Variants in PRIM2 observed in about 807,000 individuals in gnomAD.
PRIM2 encodes the protein DNA primase large subunit.
In PRIM2, 39 loss-of-function variants were observed where a neutral mutation model predicts 67.3. The ratio of observed to expected loss-of-function variants is 0.58; its 90% confidence interval spans 0.45 to 0.76. The LOEUF is 0.76. PRIM2 is among the 30% of genes least tolerant of loss of function. The pLI, the probability that PRIM2 is intolerant of heterozygous loss-of-function variation, is 0.00. For synonymous variants in PRIM2, 143 were observed against 198.7 expected, an observed-to-expected ratio of 0.72 and a Z score of 2.36; for missense variants, 398 against 598.7, an observed-to-expected ratio of 0.66 and a Z score of 3.50.
chr6:57,410,386 A>G (rs1414818898), intron 7 of PRIM2, among the ~76,000 whole-genome samples: 1 of 150,132 alleles, frequency 6.7e-6, no homozygotes, highest in Non-Finnish European at 1.5e-5. Context: ...TTTCTTTTTC[A>G]TTGGATTCCC....
chr6:57,346,468 C>A (rs1055754761), intron 5 of PRIM2, among the ~76,000 whole-genome samples: 6 of 152,058 alleles, frequency 3.9e-5, no homozygotes, highest in African/African-American at 1.2e-4. Context: ...TACAGTCGCC[C>A]ACCACCATGC....
the PRIM2 span, among the ~76,000 whole-genome samples, chr6:57,247,695 C>T: frequency 6.6e-6 from 1 of 152,166 alleles, no homozygotes; most frequent in African/African-American, 2.4e-5. Flanking sequence ...TCATTTTGGA[C>T]ACTAAAAATT....
intron 7 of PRIM2, among the ~76,000 whole-genome samples, chr6:57,458,470 G>C (rs1314542351): frequency 6.6e-6 from 1 of 152,164 alleles, no homozygotes; most frequent in African/African-American, 2.4e-5. Flanking sequence ...GATCACCTGA[G>C]GTCAGGAGTT....
chr6:57,526,767 C>T (rs1774763822), intron 8 of PRIM2, among the ~76,000 whole-genome samples: 1 of 151,954 alleles, frequency 6.6e-6, no homozygotes, highest in Admixed American at 6.6e-5. Context: ...CTGTTTTCTG[C>T]TGGGTTTGCA....
the PRIM2 span, among the ~76,000 whole-genome samples, chr6:57,229,725 C>T: frequency 7.9e-5 from 12 of 152,144 alleles, no homozygotes; most frequent in African/African-American, 1.7e-4. Context: ...TACCTGACCT[C>T]GTGATCCGTG....
At chr6:57,524,299 TG>T (rs1774694494) in intron 8 of PRIM2, among the ~76,000 whole-genome samples, 1 of 152,386 alleles carries the variant, frequency 6.6e-6, no homozygotes, top group Admixed American at 6.5e-5. Context: ...CTAGCCATGC[TG>T]GCCTCTTATG....
chr6:57,499,388 C>T (rs1291498617), intron 7 of PRIM2, among the ~76,000 whole-genome samples: 1 of 152,180 alleles, frequency 6.6e-6, no homozygotes, highest in African/African-American at 2.4e-5. Flanking sequence ...CTCACCTTCT[C>T]CTGGCTCCTT....
the PRIM2 span, among the ~76,000 whole-genome samples, chr6:57,258,936 C>T: frequency 4.6e-5 from 7 of 152,104 alleles, no homozygotes; most frequent in Admixed American, 4.6e-4. Context: ...CCTTTGCCAC[C>T]AATATCTTCT....
At chr6:57,226,220 T>G in the PRIM2 span, among the ~76,000 whole-genome samples, 1 of 152,204 alleles carries the variant, frequency 6.6e-6, no homozygotes, top group Non-Finnish European at 1.5e-5. Context: ...AATAAGTGAT[T>G]ACATACCCTT....
Position 57,635,423 on chromosome 6 carries a change from C to T in PRIM2, c.1299+3222C>T, listed in dbSNP as rs1359641012. Among the ~76,000 whole-genome samples, 492 of 152,260 alleles carry T rather than the reference C, an allele frequency of 3.2e-3. 3 individuals are homozygous for T. Among genetic ancestry groups the T allele is most frequent in the Non-Finnish European group, 3.8e-3 (256 of 68,016 alleles). ...CTGTTTTCCTCTGTATTTTTAGGGT[C>T]AATGTTTAAAATAATTTTATACTAA... On this transcript the variant is annotated intron_variant, in intron 13 of 13. Transcript: ENST00000615550.
intron 7 of PRIM2, among the ~76,000 whole-genome samples, chr6:57,477,073 T>TGG (rs1773494218): frequency 6.6e-6 from 1 of 152,164 alleles, no homozygotes; most frequent in African/African-American, 2.4e-5. Context: ...TCACTCCAGC[T>TGG]TCAACCTCCT....
the PRIM2 span, among the ~76,000 whole-genome samples, chr6:57,271,797 G>C: frequency 1.3e-5 from 2 of 152,208 alleles, no homozygotes; most frequent in Admixed American, 1.3e-4. Flanking sequence ...ACACTGCTTT[G>C]AATGTGTCCC....
chr6:57,569,937 T>G (rs1379482710), intron 10 of PRIM2, among the ~76,000 whole-genome samples: 2 of 152,068 alleles, frequency 1.3e-5, no homozygotes, highest in African/African-American at 4.8e-5. Context: ...AGAGACAGGG[T>G]TTCACTATGT....
chr6:57,520,383 T>C (rs1774585875), intron 8 of PRIM2, among the ~76,000 whole-genome samples: 1 of 152,202 alleles, frequency 6.6e-6, no homozygotes, highest in Non-Finnish European at 1.5e-5. Context: ...TTTTCATGAC[T>C]AACCTATTAT....
intron 4 of PRIM2, 57 bp downstream of exon 4, chr6:57,324,337 T>A (rs1388522309): frequency 1.8e-6 from 2 of 1,127,166 alleles, no homozygotes; most frequent in African/African-American, 3.1e-5. Context: ...TATAAATTGG[T>A]GTGTGGTAAG....
At chr6:57,243,630 C>T in the PRIM2 span, among the ~76,000 whole-genome samples, 2 of 151,990 alleles carry the variant, frequency 1.3e-5, no homozygotes, top group East Asian at 1.9e-4. Context: ...CACTACGCCC[C>T]GACTCTTTTT....
chr6:57,565,463 T>G lies in PRIM2; in HGVS notation c.1020+27838T>G, dbSNP rs1195400704. Among the ~76,000 whole-genome samples the G allele has an allele frequency of 2.7e-5, 4 of 149,488 alleles. No individual in the cohort carries two copies. The East Asian group carries it at 7.8e-4, about 29-fold the overall frequency. On this transcript the variant is annotated intron_variant, in intron 10 of 13. Coordinates refer to ENST00000615550, the MANE Select transcript of PRIM2 (RefSeq NM_000947.5). The stretch of plus-strand genomic sequence containing the variant: ...GGAAAGCCAGTGGTGTAGTTCAATC[T>G]GAGTCCAAAGGCCTGAGAACTGGGG...
intron 7 of PRIM2, among the ~76,000 whole-genome samples, chr6:57,438,153 T>G (rs537544479): frequency 6.6e-6 from 1 of 152,350 alleles, no homozygotes; most frequent in African/African-American, 2.4e-5. Flanking sequence ...TTAGATATTT[T>G]TCTCAAATAT....
At chr6:57,510,948 G>A (rs1178727447) in intron 8 of PRIM2, among the ~76,000 whole-genome samples, 4 of 151,858 alleles carry the variant, frequency 2.6e-5, no homozygotes, top group African/African-American at 4.8e-5. Context: ...ACCTAGAGGC[G>A]GATGGACATT....
Sources: gnomAD v4.1 joint callset for allele counts (sites outside exome capture counted in the v4.1 genomes callset) on GRCh38, gnomAD v4.1.1 for gene constraint, MANE v1.5 for transcripts, NCBI Gene and HGNC (gene_info 2026-07-23, HGNC 2026-07-21) for gene names.